Variants in TRAM1 observed in about 807,000 individuals in gnomAD.
The protein encoded by TRAM1 is translocating chain-associated membrane protein 1.
In TRAM1, 17 loss-of-function variants were observed where a neutral mutation model predicts 48.7. That is an observed-to-expected ratio of 0.35 (90% CI 0.24 to 0.52). The LOEUF (loss-of-function observed/expected upper bound fraction) is 0.52. TRAM1 is among the 20% of genes least tolerant of loss of function. TRAM1 has a pLI of 0.94. For missense variants in TRAM1, 351 were observed against 441.5 expected, an observed-to-expected ratio of 0.79 and a Z score of 1.84; for synonymous variants, 182 against 154.0, an observed-to-expected ratio of 1.18 and a Z score of -1.34.
intron 5 of TRAM1, 134 bp downstream of exon 5, chr8:70,596,129 G>T: frequency 1.8e-6 from 1 of 568,634 alleles, no homozygotes; most frequent in Non-Finnish European, 2.9e-6. Context: ...ACGGCAGTGG[G>T]ACTGTCAAAG....
In TRAM1 at chr8:70,603,287, C is replaced by T. The variant is rs115235059; in HGVS notation, c.124-3205G>A. On this transcript the variant is annotated intron_variant, in intron 1 of 10. Transcript: ENST00000262213. Reference sequence around the variant, plus strand: ...AACAATATATATCTATATATACACACTATATATATGTTTTATACACACACA... The same window carrying T: ...AACAATATATATCTATATATACACATTATATATATGTTTTATACACACACA... 3.5e-3 allele frequency among the ~76,000 whole-genome samples: 467 copies of T among 134,596 alleles called. 3 individuals carry two copies. Among genetic ancestry groups the T allele is most frequent in the African/African-American group, 0.013 (448 of 33,624 alleles). 88.3% of individuals were successfully genotyped at this position (134,596 alleles called of 152,430 possible). A position where few individuals can be genotyped will look rare whatever the true frequency, so the allele number is the denominator to read the frequency against.
intron 6 of TRAM1, chr8:70,587,425 C>T: frequency 2.4e-6 from 1 of 421,150 alleles, no homozygotes; most frequent in Non-Finnish European, 4.3e-6. Flanking sequence ...TCCCACCCCA[C>T]CGCAATCTCT....
In TRAM1 at chr8:70,574,971, T is replaced by C. The variant is rs754557661; in HGVS notation, c.1086A>G (p.Val362=). ...CTTTTTTATTCCGGGGAGAGTCTGC[T>C]ACATTTGAAGTTAATGTTCCATTCA... ...NGVNGTLTSN[V]ADSPRNKKEK... The change falls in exon 11 of 11, where the codon GTA becomes GTG. Residue 362 remains valine (V), a synonymous_variant. Coordinates refer to ENST00000262213, the MANE Select transcript of TRAM1 (RefSeq NM_014294.6). 1.9e-5 allele frequency: 30 copies of C among 1,611,000 alleles called. 1 individual carries two copies. In the Middle Eastern group the frequency reaches 1.3e-3, roughly 71 times the overall value.
At position 70,606,997 on chromosome 8, in the gene TRAM1, T is replaced by C. The variant is rs58763316; in HGVS notation, c.123+1080A>G. The C allele has an allele frequency of 1.2e-3, 1,155 of 943,706 alleles. 17 individuals are homozygous for C. In the African/African-American group the frequency reaches 0.019, roughly 16 times the overall value. The allele number at this position is 943,706 out of a possible 1,614,324, so 58.5% of individuals were successfully genotyped here. A position where few individuals can be genotyped will look rare whatever the true frequency, so the allele number is the denominator to read the frequency against. ...CCTAGACTCTGGAAATACAGACTCGTAAAAATACTCCAAAATCTCTACTCT... is the reference window on the plus strand; with the variant it reads ...CCTAGACTCTGGAAATACAGACTCGCAAAAATACTCCAAAATCTCTACTCT... On this transcript the variant is annotated intron_variant, in intron 1 of 10. Transcript: ENST00000262213.
chr8:70,605,205 C>CAAGT (rs1817694155), intron 1 of TRAM1, among the ~76,000 whole-genome samples: 1 of 152,046 alleles, frequency 6.6e-6, no homozygotes, highest in African/African-American at 2.4e-5. Flanking sequence ...TAATAGCTAC[C>CAAGT]ACTTATTGCA....
At chr8:70,591,584 A>G (rs536867901) in intron 6 of TRAM1, among the ~76,000 whole-genome samples, 161 of 152,314 alleles carry the variant, frequency 1.1e-3, no homozygotes, top group African/African-American at 3.8e-3. Context: ...CTGTTTATTA[A>G]AAAATATAAC....
rs71560423 is a variant in TRAM1 at position 70,594,305 on chromosome 8, G to GTTT, written c.570+198_570+200dup. Reference sequence around the variant, plus strand: ...ATCTAAGCTAAAATACTGACTGAAGGTTTTTTTTTTTTTTTTTTCAAGAAA... The same window carrying GTTT: ...ATCTAAGCTAAAATACTGACTGAAGGTTTTTTTTTTTTTTTTTTTTTCAAGAAA... On this transcript the variant is annotated intron_variant, in intron 6 of 10. Coordinates refer to ENST00000262213, the MANE Select transcript of TRAM1 (RefSeq NM_014294.6). Among the ~76,000 whole-genome samples the GTTT allele has an allele frequency of 2.7e-4, 34 of 126,076 alleles. 1 individual carries two copies. The highest frequency in any genetic ancestry group is 2.7e-4 in the Non-Finnish European group (17 of 62,548). The allele number at this position is 126,076 out of a possible 152,430, so 82.7% of individuals were successfully genotyped here.
At chr8:70,584,638 AACAG>A (rs1235781229) in intron 8 of TRAM1, among the ~76,000 whole-genome samples, 3 of 152,146 alleles carry the variant, frequency 2.0e-5, no homozygotes, top group East Asian at 1.9e-4. Flanking sequence ...ATACACCAAT[AACAG>A]ACAGAGAGCC....
At chr8:70,578,437 C>A (rs1817006852) in intron 10 of TRAM1, among the ~76,000 whole-genome samples, 1 of 152,196 alleles carries the variant, frequency 6.6e-6, no homozygotes, top group Non-Finnish European at 1.5e-5. Context: ...GAGTTCAAGA[C>A]TATCCTGGGT....
chr8:70,596,013 G>T (rs933811561), intron 5 of TRAM1, among the ~76,000 whole-genome samples: 4 of 151,832 alleles, frequency 2.6e-5, no homozygotes, highest in Admixed American at 1.3e-4. Context: ...GAAAAGAAGC[G>T]AGTACCAAAT....
rs535440827 is a variant in TRAM1, at chr8:70,608,034, T to C, written c.123+43A>G. On this transcript the variant is annotated intron_variant, in intron 1 of 10. Transcript: ENST00000262213. ...TGGCATCTGGAGCCCGGGCCCGGGC[T>C]GGAGGTGGCGGGGCAGGCGGTTGGG... The C allele has an allele frequency of 1.9e-6, 3 of 1,552,784 alleles. No homozygotes were observed. In the Admixed American group the frequency reaches 5.7e-5, roughly 30 times the overall value.
chr8:70,603,137 C>T (rs1817638529), intron 1 of TRAM1, among the ~76,000 whole-genome samples: 1 of 152,026 alleles, frequency 6.6e-6, no homozygotes, highest in Non-Finnish European at 1.5e-5. Flanking sequence ...TAGAGCAGAA[C>T]GATGACATGA....
rs903540046 is a variant in TRAM1 at position 70,583,221 on chromosome 8, G to C, written c.994C>G (p.Pro332Ala). 1 of 1,613,832 alleles carries C rather than the reference G, an allele frequency of 6.2e-7. No homozygotes were observed. Among genetic ancestry groups the C allele is most frequent in the East Asian group, 2.2e-5 (1 of 44,866 alleles). Reference sequence around the variant, plus strand: ...ACTGTTGGTTTCTTCTTCACAGCTGGTGCCTGAAAAGCAGAATGTTCCCTC... The same window carrying C: ...ACTGTTGGTTTCTTCTTCACAGCTGCTGCCTGAAAAGCAGAATGTTCCCTC... ...RWREHSAFQA[P>A]AVKKKPTVTK... Residue 332 changes from proline to alanine, a missense_variant, in exon 10 of 11, where the codon CCA becomes GCA. Transcript: ENST00000262213.
chr8:70,575,021 A>G lies in TRAM1; in HGVS notation c.1052-16T>C. ...ACACCATTTTCTGCAAAAAGAAAAGAATCCATGTTACTCTCTTTTATAAAT... is the reference window on the plus strand; with the variant it reads ...ACACCATTTTCTGCAAAAAGAAAAGGATCCATGTTACTCTCTTTTATAAAT... On this transcript the variant is annotated splice_polypyrimidine_tract_variant and intron_variant, in intron 10 of 10. Transcript: ENST00000262213. 1 of 1,567,652 alleles carries G rather than the reference A, an allele frequency of 6.4e-7. No individual in the cohort carries two copies. The highest frequency in any genetic ancestry group is 1.4e-5 in the African/African-American group (1 of 73,696).
chr8:70,595,871 A>C (rs918521829), intron 5 of TRAM1, among the ~76,000 whole-genome samples: 1 of 152,176 alleles, frequency 6.6e-6, no homozygotes, highest in Non-Finnish European at 1.5e-5. Flanking sequence ...AACAATTCCT[A>C]ACCTCAAGAA....
At chr8:70,607,597 C>T (rs1817770710) in intron 1 of TRAM1, 1 of 628,826 alleles carries the variant, frequency 1.6e-6, no homozygotes, top group African/African-American at 2.0e-5. Flanking sequence ...ACTCCTCAGA[C>T]CCGGGGGCCG....
At chr8:70,602,696 G>A (rs771762259) in intron 1 of TRAM1, among the ~76,000 whole-genome samples, 6 of 152,158 alleles carry the variant, frequency 3.9e-5, no homozygotes, top group Non-Finnish European at 7.3e-5. Context: ...AAAAGATACC[G>A]GATGCGAATG....
intron 6 of TRAM1, 128 bp from the exon 7 acceptor site, chr8:70,587,304 T>C (rs1817244911): frequency 1.2e-6 from 1 of 832,374 alleles, no homozygotes; most frequent in African/African-American, 1.7e-5. Context: ...CCCCCAACCT[T>C]GGCCTTCCAA....
intron 6 of TRAM1, among the ~76,000 whole-genome samples, chr8:70,593,549 G>T (rs1032923928): frequency 1.3e-5 from 2 of 149,290 alleles, no homozygotes; most frequent in Non-Finnish European, 3.0e-5. Flanking sequence ...CCTTCACCTG[G>T]TATTATTTTG....
Sources: gnomAD v4.1 joint callset for allele counts (sites outside exome capture counted in the v4.1 genomes callset) on GRCh38, gnomAD v4.1.1 for gene constraint, MANE v1.5 for transcripts, NCBI Gene and HGNC (gene_info 2026-07-23, HGNC 2026-07-21) for gene names.